The following CTIF variants were observed in gnomAD, a reference collection of about 807,000 sequenced individuals.
The protein encoded by CTIF is cap binding complex dependent translation initiation factor.
A neutral mutation model predicts 66.0 loss-of-function variants in CTIF; 21 were observed. The observed-to-expected ratio is 0.32, with a 90% CI of 0.23 to 0.46. The LOEUF (loss-of-function observed/expected upper bound fraction) is 0.46, where lower values mean the gene tolerates loss of function less well. Ranked by LOEUF, CTIF falls within the 20% of genes least tolerant of loss-of-function variation. CTIF has a pLI of 1.00. For synonymous variants in CTIF, 345 were observed against 326.4 expected, an observed-to-expected ratio of 1.06 and a Z score of -0.62; for missense variants, 739 against 812.7, an observed-to-expected ratio of 0.91 and a Z score of 1.10.
At chr18:48,691,239 C>A (rs575060674) in intron 6 of CTIF, among the ~76,000 whole-genome samples, 1 of 152,356 alleles carries the variant, frequency 6.6e-6, no homozygotes, top group African/African-American at 2.4e-5. Flanking sequence ...TGGGAATCCA[C>A]TTGACTTCCA....
chr18:48,612,891 G>T (rs1314728731), intron 1 of CTIF, among the ~76,000 whole-genome samples: 1 of 152,180 alleles, frequency 6.6e-6, no homozygotes, highest in Non-Finnish European at 1.5e-5. Context: ...AGAAATTGGG[G>T]TCTTCCTGGG....
chr18:48,623,323 G>T (rs902919870), intron 2 of CTIF, among the ~76,000 whole-genome samples: 1 of 152,216 alleles, frequency 6.6e-6, no homozygotes, highest in Non-Finnish European at 1.5e-5. Context: ...TGCTGCTGCC[G>T]GAAAGGGAGG....
At chr18:48,645,209 C>T (rs28684392) in intron 3 of CTIF, among the ~76,000 whole-genome samples, 26,001 of 129,312 alleles carry the variant, frequency 0.2, 2,508 homozygotes, top group Middle Eastern at 0.37. Flanking sequence ...AACGACACAG[C>T]GAGGAGCTTG....
chr18:48,647,576 C>T (rs1564590), intron 3 of CTIF, among the ~76,000 whole-genome samples: 117,178 of 152,166 alleles, frequency 0.77, 46,010 homozygotes, highest in East Asian at 0.99. Flanking sequence ...TCTACAACCA[C>T]CTAAAAATAA....
intron 7 of CTIF, among the ~76,000 whole-genome samples, chr18:48,720,518 C>T (rs2092325162): frequency 6.6e-6 from 1 of 152,102 alleles, no homozygotes; most frequent in South Asian, 2.1e-4. Context: ...TAAGTCCCTG[C>T]TAAAGATAGA....
At chr18:48,657,983 G>C (rs1185930295) in intron 3 of CTIF, among the ~76,000 whole-genome samples, 5 of 152,088 alleles carry the variant, frequency 3.3e-5, no homozygotes, top group Non-Finnish European at 7.4e-5. Context: ...AGAGAGGTGG[G>C]TCTGTTTCCT....
chr18:48,653,208 A>G (rs1310515627), intron 3 of CTIF, among the ~76,000 whole-genome samples: 1 of 152,224 alleles, frequency 6.6e-6, no homozygotes, highest in African/African-American at 2.4e-5. Flanking sequence ...TGCAGATGAC[A>G]TGATTGTATA....
At chr18:48,712,255 G>A (rs886219260) in intron 7 of CTIF, among the ~76,000 whole-genome samples, 9 of 152,114 alleles carry the variant, frequency 5.9e-5, no homozygotes, top group African/African-American at 1.9e-4. Context: ...GGCAGAAACC[G>A]AGATCTCCTG....
At chr18:48,715,027 G>C (rs2092266170) in intron 7 of CTIF, among the ~76,000 whole-genome samples, 2 of 152,160 alleles carry the variant, frequency 1.3e-5, no homozygotes, top group Non-Finnish European at 2.9e-5. Context: ...TGTGATTGTG[G>C]CAGCAAACCC....
intron 3 of CTIF, among the ~76,000 whole-genome samples, chr18:48,655,091 G>A (rs924626057): frequency 2.6e-5 from 4 of 151,922 alleles, no homozygotes; most frequent in Admixed American, 2.0e-4. Flanking sequence ...CCTGCGCATT[G>A]TGCACATGTA....
chr18:48,862,677 ATTATT>A lies in CTIF; in HGVS notation c.*3121_*3125del, dbSNP rs1475434823. On this transcript the variant is annotated 3_prime_UTR_variant, in exon 12 of 12. Transcript: ENST00000256413. ...TTCTGATTGATTTTTATTTTATTCT[ATTATT>A]TTCTCCGAGGGATGAGGGTGGGGGG... is the stretch of plus-strand genomic sequence containing the variant. 6.7e-6 allele frequency: 1 copy of A among 150,054 alleles called. No homozygotes were observed. Among genetic ancestry groups the A allele is most frequent in the East Asian group, 1.9e-4 (1 of 5,154 alleles). The allele number at this position is 150,054 out of a possible 1,614,324, so 9.3% of individuals were successfully genotyped here. A position where few individuals can be genotyped will look rare whatever the true frequency, so the allele number is the denominator to read the frequency against.
intron 9 of CTIF, among the ~76,000 whole-genome samples, chr18:48,789,239 TA>T (rs2067740757): frequency 6.6e-6 from 1 of 152,162 alleles, no homozygotes; most frequent in Non-Finnish European, 1.5e-5. Flanking sequence ...ATGATGACAA[TA>T]AGGGCTGGGT....
rs762143728 is a variant in CTIF at position 48,696,486 on chromosome 18, C to T, written c.508-15133C>T. On this transcript the variant is annotated intron_variant, in intron 6 of 11. Transcript: ENST00000256413. ...GTTACTTTGTGTGACCCCCGCCAGACATATTGCTCTCTTTATGGGTACCGA... is the reference window on the plus strand; with the variant it reads ...GTTACTTTGTGTGACCCCCGCCAGATATATTGCTCTCTTTATGGGTACCGA... Among the ~76,000 whole-genome samples the T allele has an allele frequency of 3.5e-4, 53 of 152,300 alleles. No individual in the cohort carries two copies. In the Middle Eastern group the frequency reaches 0.01, roughly 29 times the overall value.
At chr18:48,763,093 G>A (rs946062559) in intron 9 of CTIF, among the ~76,000 whole-genome samples, 6 of 152,256 alleles carry the variant, frequency 3.9e-5, no homozygotes, top group African/African-American at 1.4e-4. Context: ...GGGAGCGTGT[G>A]GAGAGTGGCG....
intron 1 of CTIF, among the ~76,000 whole-genome samples, chr18:48,603,369 A>AGATG (rs754747962): frequency 4.0e-4 from 49 of 123,478 alleles, no homozygotes; most frequent in African/African-American, 1.4e-3. Flanking sequence ...ATAGGTGGGT[A>AGATG]GATGGATGGA....
intron 6 of CTIF, among the ~76,000 whole-genome samples, chr18:48,694,570 A>G (rs2091978583): frequency 6.6e-6 from 1 of 152,224 alleles, no homozygotes; most frequent in African/African-American, 2.4e-5. Context: ...CAGGGCCACT[A>G]TTGCTTAGTG....
At chr18:48,793,994 G>A (rs771018123) in intron 9 of CTIF, among the ~76,000 whole-genome samples, 7 of 152,020 alleles carry the variant, frequency 4.6e-5, no homozygotes, top group Admixed American at 2.0e-4. Flanking sequence ...TGTTACCTTC[G>A]CTTCTGCTCT....
At position 48,732,193 on chromosome 18, in the gene CTIF, C is replaced by T. The variant is rs916333271; in HGVS notation, c.584+20498C>T. ...GGCCTATCCAAGCAGGACTCCCATT[C>T]CCTGGGGTACGTTTTGATGTGGAAC... On this transcript the variant is annotated intron_variant, in intron 7 of 11. Transcript: ENST00000256413. 3.9e-5 allele frequency among the ~76,000 whole-genome samples: 6 copies of T among 152,212 alleles called. 1 individual carries two copies. Among genetic ancestry groups the T allele is most frequent in the South Asian group, 4.1e-4 (2 of 4,828 alleles).
intron 1 of CTIF, among the ~76,000 whole-genome samples, chr18:48,544,028 G>A (rs2088687617): frequency 6.6e-6 from 1 of 152,160 alleles, no homozygotes; most frequent in South Asian, 2.1e-4. Flanking sequence ...TGGCCCTGAG[G>A]CAGGGTCCTC....
Sources: allele counts gnomAD v4.1 joint callset (sites outside exome capture counted in the v4.1 genomes callset), GRCh38; gene constraint gnomAD v4.1.1; transcripts MANE v1.5; gene names NCBI Gene and HGNC (gene_info 2026-07-23, HGNC 2026-07-21).